Variants in FAM83F observed in about 807,000 individuals in gnomAD.
FAM83F encodes protein FAM83F.
Under a neutral mutation model 42.9 loss-of-function variants are expected in FAM83F, and 45 were observed. The ratio of observed to expected loss-of-function variants is 1.05; its 90% CI spans 0.83 to 1.35. The LOEUF is 1.35. Among genes scored for constraint, FAM83F ranks in the 40% most tolerant of loss-of-function variants. FAM83F has a pLI of 0.00. For synonymous variants in FAM83F, 306 were observed against 298.3 expected, an observed-to-expected ratio of 1.03 and a Z score of -0.27; for missense variants, 617 against 695.9, an observed-to-expected ratio of 0.89 and a Z score of 1.28.
In FAM83F at chr22:40,021,442, G is replaced by A. The variant is rs145150338; in HGVS notation, c.932G>A (p.Gly311Asp). 3.4e-5 allele frequency: 55 copies of A among 1,613,104 alleles called. No individual in the cohort carries two copies. The highest frequency in any genetic ancestry group is 4.2e-5 in the Non-Finnish European group (50 of 1,179,502). The change falls in exon 4 of 5, where the codon GGC (glycine) becomes GAC (aspartate). Residue 311 changes from glycine (G) to aspartate (D), a missense_variant. Transcript: ENST00000333407. The surrounding 1 kb of genome is among the most constrained non-coding windows in gnomAD (Gnocchi z 8.7). ...CAGCTGAGCCTGGCGGGCAGGGTTG[G>A]CCTCCATTACTCCTCCACTGTGGCT... is the stretch of plus-strand genomic sequence containing the variant. Reference protein sequence around the residue: ...YRQLSLAGRVGLHYSSTVARK... With the variant: ...YRQLSLAGRVDLHYSSTVARK...
Position 40,027,889 on chromosome 22 carries a change from C to T in FAM83F, c.1454-1627C>T, listed in dbSNP as rs185555390. On this transcript the variant is annotated intron_variant, in intron 4 of 4. Coordinates refer to ENST00000333407, the MANE Select transcript of FAM83F (RefSeq NM_138435.4). ...CACCATCCCACCCCCAGCTACACCG[C>T]CTCCCCTGTTTAACGATCTGGAGGT... 7.6e-3 allele frequency among the ~76,000 whole-genome samples: 1,144 copies of T among 151,318 alleles called. 8 individuals are homozygous for T. Among genetic ancestry groups the T allele is most frequent in the Middle Eastern group, 0.014 (4 of 294 alleles).
chr22:40,020,297 T>C (rs1446606668), intron 3 of FAM83F, among the ~76,000 whole-genome samples: 1 of 150,350 alleles, frequency 6.7e-6, no homozygotes, highest in Non-Finnish European at 1.5e-5. Context: ...AAGCAGGAAG[T>C]GGGATGCACC....
chr22:40,040,833 G>A lies in FAM83F; in HGVS notation c.*11268G>A, dbSNP rs1467160203. The A allele has an allele frequency of 6.6e-6, 1 of 152,182 alleles. No individual in the cohort carries two copies. Among genetic ancestry groups the A allele is most frequent in the African/African-American group, 2.4e-5 (1 of 41,436 alleles). The allele number at this position is 152,182 out of a possible 1,614,324, so 9.4% of individuals were successfully genotyped here. A position where few individuals can be genotyped will look rare whatever the true frequency, so the allele number is the denominator to read the frequency against. ...ATCTTCCCATTGTTATAAGCTTCAAGAATTGGAGAATGCTTAATGAACACT... is the reference window on the plus strand; with the variant it reads ...ATCTTCCCATTGTTATAAGCTTCAAAAATTGGAGAATGCTTAATGAACACT... On this transcript the variant is annotated 3_prime_UTR_variant, in exon 5 of 5. Coordinates refer to ENST00000333407, the MANE Select transcript of FAM83F (RefSeq NM_138435.4).
In FAM83F at chr22:40,021,209, G is replaced by A. The variant is rs937697584; in HGVS notation, c.780-81G>A. The A allele has an allele frequency of 2.4e-5, 34 of 1,446,162 alleles. 1 individual carries two copies. In the Admixed American group the frequency reaches 4.8e-4, roughly 20 times the overall value. 89.6% of individuals were successfully genotyped at this position (1,446,162 alleles called of 1,614,324 possible). A position where few individuals can be genotyped will look rare whatever the true frequency, so the allele number is the denominator to read the frequency against. On this transcript the variant is annotated intron_variant, in intron 3 of 4. Coordinates refer to ENST00000333407, the MANE Select transcript of FAM83F (RefSeq NM_138435.4). This position sits in a 1 kb window ranked among gnomAD's most constrained non-coding sequence, Gnocchi z 8.7. The stretch of plus-strand genomic sequence containing the variant: ...CCTGCAGCAAGGGTCTGGCCACAGC[G>A]GAGGGGCAGGTGGGGGCGGGGGCAG...
intron 1 of FAM83F, among the ~76,000 whole-genome samples, chr22:40,000,247 T>TG (rs1193214718): frequency 6.6e-6 from 1 of 152,046 alleles, no homozygotes; most frequent in East Asian, 1.9e-4. Context: ...ATTGGGGATA[T>TG]GGGGTGCAGG....
chr22:40,028,812 C>T (rs1023858159), intron 4 of FAM83F, among the ~76,000 whole-genome samples: 2 of 152,228 alleles, frequency 1.3e-5, no homozygotes, highest in Non-Finnish European at 2.9e-5. Flanking sequence ...GTGATCCACC[C>T]CACGGTGGCA....
chr22:40,023,682 G>T lies in FAM83F; in HGVS notation c.1453+1719G>T, dbSNP rs966965201. On this transcript the variant is annotated intron_variant, in intron 4 of 4. Transcript: ENST00000333407. This position sits in a 1 kb window ranked among gnomAD's most constrained non-coding sequence, Gnocchi z 4.1. The stretch of plus-strand genomic sequence containing the variant: ...TCACGGCGGCCCTGCCCCTGCTGCC[G>T]CTCTCTGGTGTCTGCACATGGTGCC... 6.6e-6 allele frequency among the ~76,000 whole-genome samples: 1 copy of T among 152,154 alleles called. No individual in the cohort carries two copies. Among genetic ancestry groups the T allele is most frequent in the Non-Finnish European group, 1.5e-5 (1 of 68,016 alleles).
At position 39,995,747 on chromosome 22, in the gene FAM83F, G is replaced by A. The variant is rs1425487964; in HGVS notation, c.489+216G>A. Among the ~76,000 whole-genome samples, 5 of 152,322 alleles carry A rather than the reference G, an allele frequency of 3.3e-5. No individual in the cohort carries two copies. ...ATTACAAGGTGCTGGACAGATGTCAGCCGTCGGTATTCCAGCGTTCAGAGG... is the reference window on the plus strand; with the variant it reads ...ATTACAAGGTGCTGGACAGATGTCAACCGTCGGTATTCCAGCGTTCAGAGG... On this transcript the variant is annotated intron_variant, in intron 1 of 4. Coordinates refer to ENST00000333407, the MANE Select transcript of FAM83F (RefSeq NM_138435.4). This position sits in a 1 kb window ranked among gnomAD's most constrained non-coding sequence, Gnocchi z 4.6.
At position 40,029,725 on chromosome 22, in the gene FAM83F, T is replaced by C. The variant is rs1184702971; in HGVS notation, c.*160T>C. 3 of 1,070,406 alleles carry C rather than the reference T, an allele frequency of 2.8e-6. No individual in the cohort carries two copies. The African/African-American group carries it at 4.8e-5, about 17-fold the overall frequency. 66.3% of individuals were successfully genotyped at this position (1,070,406 alleles called of 1,614,324 possible). ...GGCCTCAGGGACGCTGGATCCCAAA[T>C]GAGAGGGTCCGAAGCATCTCAGTCA... On this transcript the variant is annotated 3_prime_UTR_variant, in exon 5 of 5. Coordinates refer to ENST00000333407, the MANE Select transcript of FAM83F (RefSeq NM_138435.4).
rs1167626253 is a variant in FAM83F, at chr22:40,041,486, A to G, written c.*11921A>G. On this transcript the variant is annotated 3_prime_UTR_variant, in exon 5 of 5. Coordinates refer to ENST00000333407, the MANE Select transcript of FAM83F (RefSeq NM_138435.4). Reference sequence around the variant, plus strand: ...CCCTCACCCCAATCATTGGCTTAACATTCACACCAGGCTGAGTAAGCCCCA... The same window carrying G: ...CCCTCACCCCAATCATTGGCTTAACGTTCACACCAGGCTGAGTAAGCCCCA... The G allele has an allele frequency of 6.6e-6, 1 of 152,164 alleles. No homozygotes were observed. The highest frequency in any genetic ancestry group is 2.4e-5 in the African/African-American group (1 of 41,430). The allele number at this position is 152,164 out of a possible 1,614,324, so 9.4% of individuals were successfully genotyped here.
At chr22:40,025,479 G>A (rs1024518501) in intron 4 of FAM83F, among the ~76,000 whole-genome samples, 1 of 152,116 alleles carries the variant, frequency 6.6e-6, no homozygotes, top group Non-Finnish European at 1.5e-5. Context: ...TGGAGAGGCC[G>A]AGGCAGGTGG....
rs2067491153 is a variant in FAM83F, at chr22:40,016,146, A to G, written c.490-3022A>G. Among the ~76,000 whole-genome samples, 5 of 152,148 alleles carry G rather than the reference A, an allele frequency of 3.3e-5. No homozygotes were observed. In the South Asian group the frequency reaches 8.3e-4, roughly 25 times the overall value. On this transcript the variant is annotated intron_variant, in intron 1 of 4. Coordinates refer to ENST00000333407, the MANE Select transcript of FAM83F (RefSeq NM_138435.4). ...CCAAAGCCATTGGTCAGGAAGTCTC[A>G]TTGGTTTACAGAAATAACATTGTCA... is the stretch of plus-strand genomic sequence containing the variant.
rs986623522 is a variant in FAM83F at position 40,041,581 on chromosome 22, T to C, written c.*12016T>C. 18 of 152,198 alleles carry C rather than the reference T, an allele frequency of 1.2e-4. No homozygotes were observed. Among genetic ancestry groups the C allele is most frequent in the Non-Finnish European group, 2.1e-4 (14 of 68,026 alleles). The allele number at this position is 152,198 out of a possible 1,614,324, so 9.4% of individuals were successfully genotyped here. On this transcript the variant is annotated 3_prime_UTR_variant, in exon 5 of 5. Coordinates refer to ENST00000333407, the MANE Select transcript of FAM83F (RefSeq NM_138435.4). ...CCACAATAAATATTTGATTGACAGA[T>C]TGGCTTCCTTCCTATAAGTATAGAA...
chr22:40,008,523 GCCAAACAA>G (rs1266901569), intron 1 of FAM83F, among the ~76,000 whole-genome samples: 4 of 152,186 alleles, frequency 2.6e-5, no homozygotes, highest in African/African-American at 9.7e-5. Flanking sequence ...CTCACTCCAA[GCCAAACAA>G]CCAGTGTGAC....
Position 39,995,580 on chromosome 22 carries a change from C to T in FAM83F, c.489+49C>T. 3.4e-6 allele frequency: 5 copies of T among 1,482,982 alleles called. No homozygotes were observed. The highest frequency in any genetic ancestry group is 4.5e-6 in the Non-Finnish European group (5 of 1,110,554). 91.9% of individuals were successfully genotyped at this position (1,482,982 alleles called of 1,614,324 possible). ...CACCGCTGGGACCTCGGCCCCAGTC[C>T]CCTGGACCGGGCCCCACCTCCCAGG... is the stretch of plus-strand genomic sequence containing the variant. On this transcript the variant is annotated intron_variant, in intron 1 of 4. Transcript: ENST00000333407. The surrounding 1 kb of genome is among the most constrained non-coding windows in gnomAD (Gnocchi z 4.6).
At chr22:40,003,323 G>A (rs2067411311) in intron 1 of FAM83F, among the ~76,000 whole-genome samples, 1 of 152,146 alleles carries the variant, frequency 6.6e-6, no homozygotes, top group South Asian at 2.1e-4. Context: ...CTGAGACCTT[G>A]AAGTGAATCC....
At chr22:40,020,107 A>G in intron 3 of FAM83F, 99 bp downstream of exon 3, 2 of 1,477,650 alleles carry the variant, frequency 1.4e-6, no homozygotes, top group Non-Finnish European at 1.8e-6. Context: ...ATGAGTGTGT[A>G]ACAGGGATCA....
At position 40,041,035 on chromosome 22, in the gene FAM83F, G is replaced by A. The variant is rs1569240223; in HGVS notation, c.*11470G>A. ...GCCTTGGAATTTGTCCAAGCCGAGG[G>A]CAGGGATCACAACACAACCTCTCAA... On this transcript the variant is annotated 3_prime_UTR_variant, in exon 5 of 5. Transcript: ENST00000333407. 1 of 152,162 alleles carries A rather than the reference G, an allele frequency of 6.6e-6. No homozygotes were observed. Among genetic ancestry groups the A allele is most frequent in the Non-Finnish European group, 1.5e-5 (1 of 68,034 alleles). The allele number at this position is 152,162 out of a possible 1,614,324, so 9.4% of individuals were successfully genotyped here.
chr22:40,006,724 C>T (rs2067431186), intron 1 of FAM83F, among the ~76,000 whole-genome samples: 1 of 152,194 alleles, frequency 6.6e-6, no homozygotes, highest in African/African-American at 2.4e-5. Context: ...GGTCTGCAGC[C>T]AAGCTGAGGG....
Sources: gnomAD v4.1 joint callset for allele counts (sites outside exome capture counted in the v4.1 genomes callset) on GRCh38, gnomAD v4.1.1 for gene constraint, Gnocchi (gnomAD v3.1) non-coding constraint, MANE v1.5 for transcripts, NCBI Gene and HGNC (gene_info 2026-07-23, HGNC 2026-07-21) for gene names.